STX8: variants seen among roughly 807,000 people sequenced by gnomAD.
The protein encoded by STX8 is syntaxin-8.
Under a neutral mutation model 37.5 loss-of-function variants are expected in STX8, and 23 were observed. The observed-to-expected ratio is 0.61, with a 90% CI of 0.44 to 0.87. The LOEUF (loss-of-function observed/expected upper bound fraction) is 0.87. Among genes scored for constraint, STX8 ranks in the 40% least tolerant of loss-of-function variants. The pLI is 0.00. For missense variants in STX8, 313 were observed against 284.7 expected, an observed-to-expected ratio of 1.10 and a Z score of -0.71; for synonymous variants, 115 against 99.1, an observed-to-expected ratio of 1.16 and a Z score of -0.95.
chr17:9,556,896 C>G (rs1002044140), intron 3 of STX8: 1 of 151,466 alleles, frequency 6.6e-6, no homozygotes, highest in Non-Finnish European at 1.5e-5. Context: ...TCCCCTCACA[C>G]TCCCATACTA....
rs767885482 is a variant in STX8, at chr17:9,293,681, C to T, written c.644-43036G>A. On this transcript the variant is annotated intron_variant, in intron 7 of 7. Transcript: ENST00000306357. ...CGACACTTTGTACTTTGCAAAGAAC[C>T]GTGACATATATGTTATCCATTTTAA... Among the ~76,000 whole-genome samples, 56 of 151,986 alleles carry T rather than the reference C, an allele frequency of 3.7e-4. 1 individual carries two copies. The highest frequency in any genetic ancestry group is 5.8e-4 in the East Asian group (3 of 5,178).
intron 7 of STX8, among the ~76,000 whole-genome samples, chr17:9,355,513 T>C (rs1003495491): frequency 6.7e-6 from 1 of 150,038 alleles, no homozygotes; most frequent in Non-Finnish European, 1.5e-5. Context: ...TTTTTTTTTT[T>C]TTTTTTTGAG....
intron 7 of STX8, among the ~76,000 whole-genome samples, chr17:9,318,002 C>G (rs994578410): frequency 6.6e-5 from 10 of 152,194 alleles, no homozygotes; most frequent in Non-Finnish European, 1.0e-4. Flanking sequence ...GGCCTTTCTA[C>G]TTCCCAATTC....
intron 5 of STX8, among the ~76,000 whole-genome samples, chr17:9,492,351 C>T (rs764608940): frequency 9.2e-5 from 14 of 152,002 alleles, no homozygotes; most frequent in Non-Finnish European, 1.6e-4. Context: ...CTTTTTTTGG[C>T]TTATCAGATG....
At chr17:9,324,126 T>TCA (rs35942102) in intron 7 of STX8, among the ~76,000 whole-genome samples, 29,900 of 135,370 alleles carry the variant, frequency 0.22, 3,238 homozygotes, top group Admixed American at 0.28. Flanking sequence ...TCTCTCTCTC[T>TCA]CACACACACA....
chr17:9,541,281 G>A (rs1163871698), intron 4 of STX8, among the ~76,000 whole-genome samples: 2 of 152,080 alleles, frequency 1.3e-5, no homozygotes, highest in South Asian at 2.1e-4. Flanking sequence ...AAGCAGACAC[G>A]GAACAAATGA....
chr17:9,263,342 T>G (rs1056384224), intron 7 of STX8, among the ~76,000 whole-genome samples: 6 of 151,962 alleles, frequency 3.9e-5, no homozygotes, highest in Non-Finnish European at 8.8e-5. Flanking sequence ...TAGCCGGGCA[T>G]GGTGGCACAT....
intron 6 of STX8, among the ~76,000 whole-genome samples, chr17:9,466,312 T>C (rs551421967): frequency 2.1e-4 from 32 of 152,274 alleles, no homozygotes; most frequent in African/African-American, 7.2e-4. Context: ...CTGATATTCA[T>C]AGGAAAGGTA....
intron 7 of STX8, among the ~76,000 whole-genome samples, chr17:9,356,485 C>G (rs1340205533): frequency 6.6e-6 from 1 of 152,156 alleles, no homozygotes; most frequent in African/African-American, 2.4e-5. Context: ...CTGGTGTCTG[C>G]CAGCTCCACA....
At chr17:9,343,018 C>CAAAAAA (rs4063994) in intron 7 of STX8, among the ~76,000 whole-genome samples, 1 of 110,498 alleles carries the variant, frequency 9.0e-6, no homozygotes, top group African/African-American at 3.7e-5. Context: ...GAAACTGTCT[C>CAAAAAA]AAAAAAAAAA....
chr17:9,263,004 T>C (rs1226105335), intron 7 of STX8, among the ~76,000 whole-genome samples: 3 of 152,230 alleles, frequency 2.0e-5, no homozygotes, highest in Non-Finnish European at 2.9e-5. Context: ...AAAAGTCATA[T>C]TAGCATGCTT....
At chr17:9,568,059 G>A (rs1033161595) in intron 2 of STX8, among the ~76,000 whole-genome samples, 1 of 152,138 alleles carries the variant, frequency 6.6e-6, no homozygotes, top group African/African-American at 2.4e-5. Context: ...TCAAAGACTT[G>A]AAGACATTAT....
intron 7 of STX8, among the ~76,000 whole-genome samples, chr17:9,293,980 T>A (rs1009305723): frequency 6.6e-6 from 1 of 152,090 alleles, no homozygotes; most frequent in African/African-American, 2.4e-5. Flanking sequence ...TTAGCCAGGA[T>A]GGTCTCGATT....
At chr17:9,345,587 A>C (rs1295810917) in intron 7 of STX8, among the ~76,000 whole-genome samples, 1 of 152,148 alleles carries the variant, frequency 6.6e-6, no homozygotes, top group Non-Finnish European at 1.5e-5. Context: ...TTATTTTTAG[A>C]TGACAAAGAA....
At chr17:9,544,271 G>A (rs1468261491) in intron 4 of STX8, among the ~76,000 whole-genome samples, 1 of 152,180 alleles carries the variant, frequency 6.6e-6, no homozygotes, top group African/African-American at 2.4e-5. Flanking sequence ...GGAAGTTCTA[G>A]AAACAGGGGG....
chr17:9,431,421 AG>A (rs1256884326), intron 6 of STX8, among the ~76,000 whole-genome samples: 4 of 141,966 alleles, frequency 2.8e-5, no homozygotes, highest in Non-Finnish European at 6.1e-5. Context: ...ATTGGGTAGC[AG>A]GGTTTTTGTT....
At chr17:9,290,130 AAG>A (rs1336007670) in intron 7 of STX8, among the ~76,000 whole-genome samples, 1 of 152,200 alleles carries the variant, frequency 6.6e-6, no homozygotes, top group African/African-American at 2.4e-5. Context: ...CAAAACCAAG[AAG>A]AGAGTGTGAA....
intron 6 of STX8, among the ~76,000 whole-genome samples, chr17:9,424,723 A>G (rs1176005829): frequency 1.3e-5 from 2 of 152,170 alleles, no homozygotes; most frequent in Admixed American, 6.5e-5. Flanking sequence ...TACTTGTAGT[A>G]TATTTTCTTC....
At chr17:9,300,626 ATTTAT>A (rs902447782) in intron 7 of STX8, among the ~76,000 whole-genome samples, 2 of 151,964 alleles carry the variant, frequency 1.3e-5, no homozygotes, top group African/African-American at 4.8e-5. Context: ...ATTTTTGTAT[ATTTAT>A]TTTATATCTG....
Sources: allele counts gnomAD v4.1 joint callset (sites outside exome capture counted in the v4.1 genomes callset), GRCh38; gene constraint gnomAD v4.1.1; transcripts MANE v1.5; gene names NCBI Gene and HGNC (gene_info 2026-07-23, HGNC 2026-07-21).